The following UBAP1 variants were observed in gnomAD, a reference collection of about 807,000 sequenced individuals.
UBAP1 encodes ubiquitin associated protein 1.
A neutral mutation model predicts 39.0 loss-of-function variants in UBAP1; 5 were observed. That is an observed-to-expected ratio of 0.13 (90% CI 0.07 to 0.27). UBAP1 has a LOEUF of 0.27. Ranked by LOEUF, UBAP1 falls within the 10% of genes least tolerant of loss-of-function variation. The pLI is 1.00. For missense variants in UBAP1, 490 were observed against 608.1 expected (o/e 0.81, Z 2.04); for synonymous variants, 211 against 225.1 (o/e 0.94, Z 0.56).
Position 34,182,160 on chromosome 9 carries a change from G to GTTTATTTATTTATTTA in UBAP1, c.-8+2947_-8+2962dup, listed in dbSNP as rs10530740. Among the ~76,000 whole-genome samples, 337 of 82,858 alleles carry GTTTATTTATTTATTTA rather than the reference G, an allele frequency of 4.1e-3. 5 individuals carry two copies. The highest frequency in any genetic ancestry group is 6.4e-3 in the Non-Finnish European group (207 of 32,500). The allele number at this position is 82,858 out of a possible 152,430, so 54.4% of individuals were successfully genotyped here. On this transcript the variant is annotated intron_variant, in intron 1 of 6. Transcript: ENST00000297661. The stretch of plus-strand genomic sequence containing the variant: ...ACTATGGTATTTAAGGATCCCTGAC[G>GTTTATTTATTTATTTA]TTTATTTATTTATTTATTTATTTAT...
At chr9:34,193,813 T>C (rs570119990) in intron 1 of UBAP1, among the ~76,000 whole-genome samples, 113 of 152,284 alleles carry the variant, frequency 7.4e-4, no homozygotes, top group African/African-American at 2.6e-3. Flanking sequence ...CTGAACCCAG[T>C]CCTCTTGGGC....
intron 1 of UBAP1, among the ~76,000 whole-genome samples, chr9:34,186,123 T>G (rs947329104): frequency 2.0e-5 from 3 of 152,220 alleles, no homozygotes; most frequent in African/African-American, 7.2e-5. Context: ...GTAATACCAT[T>G]GTGAACTGCT....
chr9:34,210,841 T>C (rs1469194780), intron 1 of UBAP1, among the ~76,000 whole-genome samples: 1 of 152,164 alleles, frequency 6.6e-6, no homozygotes, highest in Non-Finnish European at 1.5e-5. Context: ...CCTTTTTTTT[T>C]CTTTAAACAC....
Position 34,243,865 on chromosome 9 carries a change from TC to T in UBAP1, c.1083+1758del, listed in dbSNP as rs199976791. On this transcript the variant is annotated intron_variant, in intron 4 of 6. Transcript: ENST00000297661. Reference sequence around the variant, plus strand: ...TATTCTATTTTTTTCTTTGCTTTTTTCTTCAACAGAGTCTCGCTCTGTCGCC... The same window carrying T: ...TATTCTATTTTTTTCTTTGCTTTTTTTTCAACAGAGTCTCGCTCTGTCGCC... Among the ~76,000 whole-genome samples, 223 of 152,204 alleles carry T rather than the reference TC, an allele frequency of 1.5e-3. 5 individuals carry two copies. In the East Asian group the frequency reaches 0.04, roughly 27 times the overall value.
intron 1 of UBAP1, among the ~76,000 whole-genome samples, chr9:34,198,907 C>T (rs1408378225): frequency 6.6e-6 from 1 of 152,176 alleles, no homozygotes; most frequent in Non-Finnish European, 1.5e-5. Context: ...TCTTACCCGT[C>T]TAATGGGGCT....
intron 1 of UBAP1, among the ~76,000 whole-genome samples, chr9:34,188,465 C>T (rs1471756598): frequency 2.1e-5 from 3 of 140,660 alleles, no homozygotes; most frequent in African/African-American, 8.0e-5. Context: ...TGGGATCTTG[C>T]CCTGGTACCC....
At chr9:34,202,623 A>ATGTGTGTGTGTG (rs1190189379) in intron 1 of UBAP1, among the ~76,000 whole-genome samples, 1 of 54,510 alleles carries the variant, frequency 1.8e-5, no homozygotes. Flanking sequence ...GTAGACAGAA[A>ATGTGTGTGTGTG]CGTGTGTGTG....
intron 3 of UBAP1, among the ~76,000 whole-genome samples, chr9:34,235,756 C>T (rs1833667118): frequency 6.6e-6 from 1 of 152,174 alleles, no homozygotes. Context: ...TACTCACTCA[C>T]CCAGAGCAAC....
At chr9:34,208,777 CAAA>C (rs58813667) in intron 1 of UBAP1, among the ~76,000 whole-genome samples, 25 of 115,556 alleles carry the variant, frequency 2.2e-4, no homozygotes, top group Admixed American at 4.3e-4. Context: ...GACTCTGTCT[CAAA>C]AAAAAAAAAA....
intron 1 of UBAP1, among the ~76,000 whole-genome samples, chr9:34,183,753 T>C (rs956647569): frequency 7.8e-6 from 1 of 127,626 alleles, no homozygotes. Flanking sequence ...TTTCAGAATT[T>C]CTTTTTTTTT....
intron 4 of UBAP1, among the ~76,000 whole-genome samples, chr9:34,246,793 A>C (rs576209214): frequency 9.3e-4 from 141 of 152,356 alleles, no homozygotes; most frequent in African/African-American, 3.1e-3. Context: ...GAGCATGCTG[A>C]GACTCTTCAG....
chr9:34,235,026 G>A (rs1335297298), intron 3 of UBAP1, among the ~76,000 whole-genome samples: 1 of 152,102 alleles, frequency 6.6e-6, no homozygotes, highest in Non-Finnish European at 1.5e-5. Flanking sequence ...CAGTGATACT[G>A]ATGATCCTAT....
At chr9:34,197,446 G>A (rs1308450644) in intron 1 of UBAP1, among the ~76,000 whole-genome samples, 1 of 152,034 alleles carries the variant, frequency 6.6e-6, no homozygotes, top group African/African-American at 2.4e-5. Context: ...CTGGCCAAGA[G>A]GATTATTCTG....
intron 1 of UBAP1, among the ~76,000 whole-genome samples, chr9:34,184,639 A>AAG (rs1249161081): frequency 7.2e-6 from 1 of 139,414 alleles, no homozygotes; most frequent in East Asian, 2.1e-4. Context: ...TGAAAAAAAA[A>AAG]AAAAAAGAGA....
At chr9:34,247,766 T>C (rs773516727) in intron 4 of UBAP1, among the ~76,000 whole-genome samples, 2 of 152,208 alleles carry the variant, frequency 1.3e-5, no homozygotes, top group African/African-American at 4.8e-5. Context: ...AACAGTCGTA[T>C]GTTCATTATT....
At position 34,188,598 on chromosome 9, in the gene UBAP1, C is replaced by G. The variant is rs550518089; in HGVS notation, c.-8+9358C>G. Reference sequence around the variant, plus strand: ...GCTACCTTTAACTTCCTGCCTTTTTCTGTTGTTTGTTACTACCACTGGCCT... The same window carrying G: ...GCTACCTTTAACTTCCTGCCTTTTTGTGTTGTTTGTTACTACCACTGGCCT... On this transcript the variant is annotated intron_variant, in intron 1 of 6. Coordinates refer to ENST00000297661, the MANE Select transcript of UBAP1 (RefSeq NM_016525.5). Among the ~76,000 whole-genome samples, 164 of 151,176 alleles carry G rather than the reference C, an allele frequency of 1.1e-3. 1 individual carries two copies. The highest frequency in any genetic ancestry group is 3.9e-3 in the African/African-American group (159 of 41,286).
rs1364847767 is a variant in UBAP1 at position 34,190,742 on chromosome 9, T to G, written c.-8+11502T>G. Among the ~76,000 whole-genome samples, 3 of 150,620 alleles carry G rather than the reference T, an allele frequency of 2.0e-5. No homozygotes were observed. In the East Asian group the frequency reaches 5.8e-4, roughly 29 times the overall value. On this transcript the variant is annotated intron_variant, in intron 1 of 6. Coordinates refer to ENST00000297661, the MANE Select transcript of UBAP1 (RefSeq NM_016525.5). ...GCCTTGACTTCCTGGGTTCAGGTGA[T>G]TCTCCTACCTCAGCCTCCCGAGTAG...
In UBAP1 at chr9:34,179,202, C is replaced by T. The variant is rs1196295221; in HGVS notation, c.-46C>T. On this transcript the variant is annotated 5_prime_UTR_variant, in exon 1 of 7. Transcript: ENST00000297661. ...CCTGGGAGGCCGGCCGGTGCCAGCA[C>T]CTTTCGGCTTCTGAGACGGCGGCAG... is the stretch of plus-strand genomic sequence containing the variant. 33 of 1,234,218 alleles carry T rather than the reference C, an allele frequency of 2.7e-5. No homozygotes were observed. The East Asian group carries it at 1.0e-3, about 38-fold the overall frequency. 76.5% of individuals were successfully genotyped at this position (1,234,218 alleles called of 1,614,324 possible).
At chr9:34,210,706 GGAGAC>G (rs1400116935) in intron 1 of UBAP1, among the ~76,000 whole-genome samples, 1 of 149,308 alleles carries the variant, frequency 6.7e-6, no homozygotes, top group African/African-American at 2.5e-5. Context: ...AGTGACAGAG[GGAGAC>G]TCCATCTTTA....
Sources: gnomAD v4.1 joint callset for allele counts (sites outside exome capture counted in the v4.1 genomes callset) on GRCh38, gnomAD v4.1.1 for gene constraint, MANE v1.5 for transcripts, NCBI Gene and HGNC (gene_info 2026-07-23, HGNC 2026-07-21) for gene names.